CACUL1: variants seen among roughly 807,000 people sequenced by gnomAD.
CACUL1 encodes CDK2 associated cullin domain 1.
A neutral mutation model predicts 45.2 loss-of-function variants in CACUL1; 13 were observed. That is an observed-to-expected ratio of 0.29 (90% CI 0.19 to 0.46). The LOEUF (loss-of-function observed/expected upper bound fraction) is 0.46. Ranked by LOEUF, CACUL1 falls within the 20% of genes least tolerant of loss-of-function variation. CACUL1 has a pLI of 1.00. For missense variants in CACUL1, 421 were observed against 471.4 expected, an observed-to-expected ratio of 0.89 and a Z score of 0.99; for synonymous variants, 197 against 174.2, an observed-to-expected ratio of 1.13 and a Z score of -1.03.
chr10:118,718,631 A>G (rs1021639292), intron 3 of CACUL1, among the ~76,000 whole-genome samples: 1 of 152,164 alleles, frequency 6.6e-6, no homozygotes, highest in Non-Finnish European at 1.5e-5. Flanking sequence ...GCTGGAGTGC[A>G]GTGGCGCAAT....
At position 118,754,551 on chromosome 10, in the gene CACUL1, T is replaced by A. The variant is rs1387322627; in HGVS notation, c.212A>T (p.Lys71Met). Reference protein sequence around the residue: ...PAVSVDRKGPKEGLPMGPQPP... With the variant: ...PAVSVDRKGPMEGLPMGPQPP... ...CTGCGGCCCCATCGGGAGCCCCTCC[T>A]TGGGGCCTTTCCTGTCCACGGAGAC... The change falls in exon 1 of 9, where the codon AAG (lysine) becomes ATG (methionine). Residue 71 changes from lysine (K) to methionine (M), a missense_variant. Coordinates refer to ENST00000369151, the MANE Select transcript of CACUL1 (RefSeq NM_153810.5). 1.9e-6 allele frequency: 3 copies of A among 1,612,242 alleles called. No individual in the cohort carries two copies. Among genetic ancestry groups the A allele is most frequent in the Admixed American group, 1.7e-5 (1 of 59,914 alleles).
chr10:118,686,323 T>G (rs868149467), intron 8 of CACUL1, among the ~76,000 whole-genome samples, 155 bp from the exon 9 acceptor site: 10 of 151,838 alleles, frequency 6.6e-5, no homozygotes, highest in African/African-American at 2.4e-4. Flanking sequence ...TGGAGGGAAG[T>G]AAAAGGGGAC....
intron 1 of CACUL1, among the ~76,000 whole-genome samples, chr10:118,730,808 C>T (rs1295528527): frequency 6.6e-6 from 1 of 152,168 alleles, no homozygotes; most frequent in Non-Finnish European, 1.5e-5. Context: ...TTGGAGAAAT[C>T]GTGAACACCA....
chr10:118,697,317 C>T (rs1845332804), intron 5 of CACUL1, among the ~76,000 whole-genome samples: 1 of 152,200 alleles, frequency 6.6e-6, no homozygotes, highest in Non-Finnish European at 1.5e-5. Context: ...ACAGAGCTAG[C>T]TAGAGGCAGA....
At chr10:118,691,841 T>C (rs1194928595) in intron 6 of CACUL1, among the ~76,000 whole-genome samples, 3 of 121,118 alleles carry the variant, frequency 2.5e-5, no homozygotes, top group Non-Finnish European at 4.7e-5. Flanking sequence ...CACTCCAGCC[T>C]GGGCGACAGA....
Position 118,695,176 on chromosome 10 carries a change from G to T in CACUL1, c.851C>A (p.Ala284Glu). 1 of 1,607,738 alleles carries T rather than the reference G, an allele frequency of 6.2e-7. No individual in the cohort carries two copies. The highest frequency in any genetic ancestry group is 8.5e-7 in the Non-Finnish European group (1 of 1,174,298). ...TPFQVTPSTMANIVKGLYTLR... is the reference protein window; with the variant it reads ...TPFQVTPSTMENIVKGLYTLR... ...GGTATACAGGCCTTTCACAATATTT[G>T]CCATAGTTGAAGGTGTGACCTGAAA... The change falls in exon 6 of 9, where the codon GCA (alanine) becomes GAA (glutamate). Residue 284 changes from alanine (A) to glutamate (E), a missense_variant. Physicochemically the swap from Ala to Glu is moderately radical, Grantham distance 107 (BLOSUM62 -1). Transcript: ENST00000369151.
intron 1 of CACUL1, among the ~76,000 whole-genome samples, chr10:118,744,181 T>G (rs2119673503): frequency 6.6e-6 from 1 of 151,368 alleles, no homozygotes; most frequent in Admixed American, 6.6e-5. Flanking sequence ...AGGTCAGGAG[T>G]TTGAGACCAC....
chr10:118,726,253 C>A (rs1350114272), intron 3 of CACUL1: 3 of 1,169,754 alleles, frequency 2.6e-6, no homozygotes, highest in African/African-American at 1.6e-5. Context: ...ACACATCACA[C>A]TGAACAAATA....
At chr10:118,752,085 C>A (rs1221640890) in intron 1 of CACUL1, among the ~76,000 whole-genome samples, 1 of 152,136 alleles carries the variant, frequency 6.6e-6, no homozygotes, top group Non-Finnish European at 1.5e-5. Context: ...TTTAATGGTT[C>A]ATCTAGGTAG....
intron 3 of CACUL1, among the ~76,000 whole-genome samples, chr10:118,711,413 A>G (rs928467048): frequency 4.6e-5 from 7 of 152,218 alleles, no homozygotes; most frequent in Non-Finnish European, 8.8e-5. Flanking sequence ...TTTGTTAACT[A>G]AAGAACTTGG....
intron 1 of CACUL1, among the ~76,000 whole-genome samples, chr10:118,731,451 G>A (rs1409877053): frequency 6.6e-6 from 1 of 152,102 alleles, no homozygotes; most frequent in Non-Finnish European, 1.5e-5. Flanking sequence ...TATCATTTTT[G>A]TTCAATACTT....
chr10:118,687,159 TC>T (rs1845215438), intron 7 of CACUL1, among the ~76,000 whole-genome samples: 1 of 152,180 alleles, frequency 6.6e-6, no homozygotes, highest in African/African-American at 2.4e-5. Context: ...CTTTGCTGGC[TC>T]TACCCAGCCC....
intron 3 of CACUL1, among the ~76,000 whole-genome samples, chr10:118,727,014 T>C (rs1405248235): frequency 6.6e-6 from 1 of 152,172 alleles, no homozygotes; most frequent in Non-Finnish European, 1.5e-5. Flanking sequence ...ACCATATTGC[T>C]GAACTCTAAG....
chr10:118,753,800 G>T (rs1845923910), intron 1 of CACUL1, among the ~76,000 whole-genome samples: 1 of 152,168 alleles, frequency 6.6e-6, no homozygotes, highest in South Asian at 2.1e-4. Context: ...GCTTCAAGAC[G>T]ATGTCGGAGC....
chr10:118,707,857 G>A (rs1037832035), intron 3 of CACUL1, among the ~76,000 whole-genome samples: 1 of 152,058 alleles, frequency 6.6e-6, no homozygotes, highest in Non-Finnish European at 1.5e-5. Context: ...GCATAAAAAG[G>A]TGCACTAAGG....
intron 4 of CACUL1, among the ~76,000 whole-genome samples, chr10:118,701,865 G>C (rs748323751): frequency 2.6e-5 from 4 of 152,070 alleles, no homozygotes; most frequent in African/African-American, 4.8e-5. Context: ...CATTCCCTGG[G>C]GACCACCTTT....
chr10:118,704,915 C>T (rs1845418977), intron 4 of CACUL1, among the ~76,000 whole-genome samples: 1 of 152,350 alleles, frequency 6.6e-6, no homozygotes, highest in Non-Finnish European at 1.5e-5. Flanking sequence ...CGGGTACAAG[C>T]TGTAACACAG....
At chr10:118,734,751 C>T (rs1166942277) in intron 1 of CACUL1, among the ~76,000 whole-genome samples, 1 of 152,122 alleles carries the variant, frequency 6.6e-6, no homozygotes, top group African/African-American at 2.4e-5. Flanking sequence ...AAGGCTTAAA[C>T]CTAGAAACAC....
chr10:118,722,510 GCA>G (rs1845610827), intron 3 of CACUL1, among the ~76,000 whole-genome samples: 1 of 152,136 alleles, frequency 6.6e-6, no homozygotes, highest in Non-Finnish European at 1.5e-5. Context: ...TCCAGCATAT[GCA>G]CACTGTTGAC....
Sources: gnomAD v4.1 joint callset for allele counts (sites outside exome capture counted in the v4.1 genomes callset) on GRCh38, gnomAD v4.1.1 for gene constraint, MANE v1.5 for transcripts, NCBI Gene and HGNC (gene_info 2026-07-23, HGNC 2026-07-21) for gene names.